The following CSMD1 variants were observed in gnomAD, a reference collection of about 807,000 sequenced individuals.
The protein encoded by CSMD1 is CUB and Sushi multiple domains 1, also known as CUB and sushi domain-containing protein 1.
In CSMD1, 213 loss-of-function variants were observed where a neutral mutation model predicts 417.5. The observed-to-expected ratio is 0.51, with a 90% CI of 0.46 to 0.57. The LOEUF is 0.57. Ranked by LOEUF, CSMD1 falls within the 20% of genes least tolerant of loss-of-function variation. The pLI, the probability that CSMD1 is intolerant of heterozygous loss-of-function variation, is 0.00. For missense variants in CSMD1, 6,923 were observed against 4,529.7 expected, an observed-to-expected ratio of 1.53 and a Z score of -15.17; for synonymous variants, 2,862 against 1,736.8, an observed-to-expected ratio of 1.65 and a Z score of -16.11.
intron 23 of CSMD1, among the ~76,000 whole-genome samples, chr8:3,313,640 G>T (rs953633199): frequency 6.6e-6 from 1 of 152,156 alleles, no homozygotes; most frequent in African/African-American, 2.4e-5. Flanking sequence ...GAGAGGATGT[G>T]GAGAAATAGG....
intron 3 of CSMD1, among the ~76,000 whole-genome samples, chr8:4,174,833 T>A (rs1159227742): frequency 1.5e-5 from 2 of 136,776 alleles, no homozygotes; most frequent in African/African-American, 5.6e-5. Flanking sequence ...CCAGAGAAAT[T>A]ACACCTTCGC....
Position 3,679,945 on chromosome 8 carries a change from T to G in CSMD1, c.1009+28469A>C, listed in dbSNP as rs1033941935. Reference sequence around the variant, plus strand: ...TGCTCCTGAATGACTACTGGGTACATAACGAAATGAAGGCAGAAATAAAGA... The same window carrying G: ...TGCTCCTGAATGACTACTGGGTACAGAACGAAATGAAGGCAGAAATAAAGA... On this transcript the variant is annotated intron_variant, in intron 7 of 69. Coordinates refer to ENST00000635120, the MANE Select transcript of CSMD1 (RefSeq NM_033225.6). Among the ~76,000 whole-genome samples the G allele has an allele frequency of 3.3e-5, 5 of 152,122 alleles. No homozygotes were observed. The East Asian group carries it at 9.7e-4, about 29-fold the overall frequency.
intron 3 of CSMD1, among the ~76,000 whole-genome samples, chr8:4,319,601 T>C (rs780445576): frequency 1.7e-4 from 26 of 152,110 alleles, no homozygotes; most frequent in Non-Finnish European, 2.8e-4. Context: ...AGAGTGGTGA[T>C]TCCTGAGAGA....
intron 1 of CSMD1, among the ~76,000 whole-genome samples, chr8:4,877,775 G>C (rs1023515340): frequency 6.6e-6 from 1 of 152,058 alleles, no homozygotes; most frequent in African/African-American, 2.4e-5. Flanking sequence ...CCTGTAAAAA[G>C]TACAGTCCTA....
At chr8:4,750,600 T>C (rs1219088849) in intron 1 of CSMD1, among the ~76,000 whole-genome samples, 3 of 152,136 alleles carry the variant, frequency 2.0e-5, no homozygotes, top group Non-Finnish European at 2.9e-5. Flanking sequence ...TGGTTCGTGA[T>C]CCAGCAATGA....
At chr8:3,589,778 G>A (rs1800768208) in intron 8 of CSMD1, among the ~76,000 whole-genome samples, 1 of 152,136 alleles carries the variant, frequency 6.6e-6, no homozygotes, top group South Asian at 2.1e-4. Context: ...TGACAAATAT[G>A]TGAAGTAATG....
chr8:4,111,839 G>C (rs891777280), intron 3 of CSMD1, among the ~76,000 whole-genome samples: 1 of 152,056 alleles, frequency 6.6e-6, no homozygotes, highest in Admixed American at 6.6e-5. Flanking sequence ...CTAGGTGATG[G>C]GTTGATAGGT....
chr8:3,236,642 C>G (rs1381661729), intron 26 of CSMD1, among the ~76,000 whole-genome samples: 2 of 152,212 alleles, frequency 1.3e-5, no homozygotes, highest in Non-Finnish European at 2.9e-5. Flanking sequence ...ACTTCAGGCT[C>G]TTCACAAAGT....
intron 2 of CSMD1, among the ~76,000 whole-genome samples, chr8:4,583,186 TCCA>T (rs1360565983): frequency 6.6e-6 from 1 of 152,052 alleles, no homozygotes; most frequent in Non-Finnish European, 1.5e-5. Flanking sequence ...CCCAGTCCCA[TCCA>T]CCACCCAAGG....
chr8:3,470,076 C>T (rs1438539084), intron 11 of CSMD1, among the ~76,000 whole-genome samples: 1 of 152,162 alleles, frequency 6.6e-6, no homozygotes, highest in Non-Finnish European at 1.5e-5. Context: ...CACAGATCAA[C>T]ACTTAGACAA....
intron 38 of CSMD1, among the ~76,000 whole-genome samples, chr8:3,161,867 G>A (rs1048205145): frequency 6.6e-6 from 1 of 152,160 alleles, no homozygotes; most frequent in Non-Finnish European, 1.5e-5. Flanking sequence ...CAAAGAGACA[G>A]TGTTGATATT....
At chr8:3,050,384 T>C (rs1402585934) in intron 50 of CSMD1, among the ~76,000 whole-genome samples, 1 of 152,196 alleles carries the variant, frequency 6.6e-6, no homozygotes, top group Non-Finnish European at 1.5e-5. Context: ...ATTTGAAATA[T>C]TTGGCAGGAA....
At chr8:3,655,694 C>T (rs958073705) in intron 7 of CSMD1, among the ~76,000 whole-genome samples, 1 of 146,902 alleles carries the variant, frequency 6.8e-6, no homozygotes, top group East Asian at 2.0e-4. Flanking sequence ...TCTTCCACTG[C>T]TGTATATCCA....
intron 23 of CSMD1, among the ~76,000 whole-genome samples, chr8:3,315,454 G>GTATGTA (rs201682870): frequency 6.6e-6 from 1 of 151,812 alleles, no homozygotes; most frequent in Non-Finnish European, 1.5e-5. Flanking sequence ...GTGTGTGTGT[G>GTATGTA]TGTGTGTGAT....
At chr8:4,911,134 A>T (rs1390774049) in intron 1 of CSMD1, among the ~76,000 whole-genome samples, 1 of 152,162 alleles carries the variant, frequency 6.6e-6, no homozygotes, top group Admixed American at 6.5e-5. Flanking sequence ...TCTTTTGTAA[A>T]TTCTCCAGTC....
intron 5 of CSMD1, among the ~76,000 whole-genome samples, chr8:3,842,384 A>C (rs1261408998): frequency 6.6e-6 from 1 of 152,162 alleles, no homozygotes; most frequent in Non-Finnish European, 1.5e-5. Flanking sequence ...ACTTAAACAA[A>C]AATCCTGACA....
At chr8:4,178,455 C>G (rs1045111314) in intron 3 of CSMD1, among the ~76,000 whole-genome samples, 6 of 151,242 alleles carry the variant, frequency 4.0e-5, no homozygotes, top group Non-Finnish European at 8.8e-5. Context: ...CTATCTATAA[C>G]AAACCCACAG....
At chr8:4,435,713 C>G (rs1161482686) in intron 2 of CSMD1, among the ~76,000 whole-genome samples, 1 of 152,136 alleles carries the variant, frequency 6.6e-6, no homozygotes, top group African/African-American at 2.4e-5. Flanking sequence ...CTGTGTGGGG[C>G]TGTGGCTGCC....
At position 4,468,120 on chromosome 8, in the gene CSMD1, A is replaced by T. The variant is rs528931763; in HGVS notation, c.303-48055T>A. Among the ~76,000 whole-genome samples the T allele has an allele frequency of 1.7e-3, 266 of 152,320 alleles. 1 individual carries two copies. The highest frequency in any genetic ancestry group is 2.7e-3 in the Non-Finnish European group (185 of 68,022). On this transcript the variant is annotated intron_variant, in intron 2 of 69. Coordinates refer to ENST00000635120, the MANE Select transcript of CSMD1 (RefSeq NM_033225.6). ...ATGAACCGCTTTCTAAAATTCAGAT[A>T]TAACTTTTTGACTAAAAAAAGCCTA...
Sources: gnomAD v4.1 joint callset for allele counts (sites outside exome capture counted in the v4.1 genomes callset) on GRCh38, gnomAD v4.1.1 for gene constraint, MANE v1.5 for transcripts, NCBI Gene and HGNC (gene_info 2026-07-23, HGNC 2026-07-21) for gene names.